Variants in DCHS2 observed in about 807,000 individuals in gnomAD.
DCHS2 encodes protocadherin-23.
A neutral mutation model predicts 182.4 loss-of-function variants in DCHS2; 142 were observed. That is an observed-to-expected ratio of 0.78 (90% CI 0.68 to 0.89). The LOEUF (loss-of-function observed/expected upper bound fraction) is 0.89, where lower values mean the gene tolerates loss of function less well. Ranked by LOEUF, DCHS2 falls within the 40% of genes least tolerant of loss-of-function variation. The pLI, the probability that DCHS2 is intolerant of heterozygous loss-of-function variation, is 0.00. For missense variants in DCHS2, 4,319 were observed against 4,198.6 expected (o/e 1.03, Z -0.79); for synonymous variants, 1,740 against 1,663.3 (o/e 1.05, Z -1.12).
At chr4:154,384,310 C>A in intron 1 of DCHS2, 1 of 1,577,470 alleles carries the variant, frequency 6.3e-7, no homozygotes, top group Non-Finnish European at 8.6e-7. Context: ...ATTGAAACAT[C>A]CTTCATCAGA....
intron 1 of DCHS2, among the ~76,000 whole-genome samples, chr4:154,433,384 T>TG (rs1733639723): frequency 7.4e-6 from 1 of 135,868 alleles, no homozygotes; most frequent in South Asian, 2.3e-4. Flanking sequence ...ATAACTAGTT[T>TG]TTTTTTTTTC....
chr4:154,249,384 T>C (rs775101870), intron 16 of DCHS2, among the ~76,000 whole-genome samples: 5 of 151,998 alleles, frequency 3.3e-5, no homozygotes, highest in Non-Finnish European at 7.4e-5. Flanking sequence ...CATAATGAGA[T>C]ACCAGTCAGA....
intron 14 of DCHS2, among the ~76,000 whole-genome samples, chr4:154,265,371 A>C (rs1733193806): frequency 6.6e-6 from 1 of 152,218 alleles, no homozygotes; most frequent in South Asian, 2.1e-4. Flanking sequence ...TGAGCAAAGG[A>C]ATAAAGTCAT....
rs200348471 is a variant in DCHS2, at chr4:154,321,232, G to A, written c.4177-10C>T. On this transcript the variant is annotated splice_polypyrimidine_tract_variant and intron_variant, in intron 8 of 19. Coordinates refer to ENST00000357232, the MANE Select transcript of DCHS2 (RefSeq NM_001358235.2). ...TGGATAGTGGGATCACCTGAAATACGAATAAAAGAGATATTAATTTGGGGT... is the reference window on the plus strand; with the variant it reads ...TGGATAGTGGGATCACCTGAAATACAAATAAAAGAGATATTAATTTGGGGT... 5.5e-5 allele frequency: 80 copies of A among 1,464,186 alleles called. 1 individual carries two copies. The African/African-American group carries it at 5.6e-4, about 10-fold the overall frequency. 90.7% of individuals were successfully genotyped at this position (1,464,186 alleles called of 1,614,324 possible). A position where few individuals can be genotyped will look rare whatever the true frequency, so the allele number is the denominator to read the frequency against.
At chr4:154,267,548 G>C (rs967967765) in intron 14 of DCHS2, among the ~76,000 whole-genome samples, 2 of 152,046 alleles carry the variant, frequency 1.3e-5, no homozygotes, top group African/African-American at 4.8e-5. Flanking sequence ...TTTTGTTTCA[G>C]AGAGCATGTG....
chr4:154,340,775 A>G (rs1189305127), intron 3 of DCHS2, among the ~76,000 whole-genome samples: 2 of 152,246 alleles, frequency 1.3e-5, no homozygotes, highest in Non-Finnish European at 2.9e-5. Context: ...CATCAATTAT[A>G]GAGAGTTATA....
At chr4:154,343,424 G>A in intron 3 of DCHS2, 1 of 1,336,364 alleles carries the variant, frequency 7.5e-7, no homozygotes, top group Non-Finnish European at 9.6e-7. Context: ...TTTCATATAA[G>A]GCTGTTTCAT....
intron 1 of DCHS2, among the ~76,000 whole-genome samples, chr4:154,381,924 TA>T (rs1219822651): frequency 2.6e-5 from 4 of 151,960 alleles, no homozygotes; most frequent in Non-Finnish European, 5.9e-5. Context: ...CACAGAATTA[TA>T]AAAAACCATT....
In DCHS2 at chr4:154,332,911, C is replaced by A. The variant is rs1034804117; in HGVS notation, c.3297G>T (p.Pro1099=). ...CCTGTGTTTGCAGCATTTGTGTCAT[C>A]GGTGAGAGAGACTCACTGACTTCCA... ...YQVEVSESLS[P]MTQMLQTQAH... The change falls in exon 5 of 20, where the codon CCG becomes CCT. Residue 1099 remains proline (P), a synonymous_variant. Coordinates refer to ENST00000357232, the MANE Select transcript of DCHS2 (RefSeq NM_001358235.2). 6.2e-7 allele frequency: 1 copy of A among 1,614,224 alleles called. No individual in the cohort carries two copies. The highest frequency in any genetic ancestry group is 2.2e-5 in the East Asian group (1 of 44,880).
Position 154,401,224 on chromosome 4 carries a change from G to A in DCHS2, c.2053-23780C>T, listed in dbSNP as rs150961197. Among the ~76,000 whole-genome samples the A allele has an allele frequency of 1.3e-3, 199 of 152,160 alleles. 1 individual carries two copies. The highest frequency in any genetic ancestry group is 3.6e-3 in the African/African-American group (151 of 41,504). ...TTGAGATTCATCCCTATTGTTTCAT[G>A]TTTTAGTAGTATTCTATTAACTCTA... On this transcript the variant is annotated intron_variant, in intron 1 of 19. Transcript: ENST00000357232.
chr4:154,289,798 G>T (rs1485493897), intron 13 of DCHS2, among the ~76,000 whole-genome samples: 1 of 151,924 alleles, frequency 6.6e-6, no homozygotes, highest in Non-Finnish European at 1.5e-5. Flanking sequence ...TAAACCAATG[G>T]ATGTGATACA....
At chr4:154,350,088 A>T (rs17031486) in intron 3 of DCHS2, among the ~76,000 whole-genome samples, 5,109 of 152,302 alleles carry the variant, frequency 0.034, 285 homozygotes, top group African/African-American at 0.12. Context: ...CTGCTTCTTC[A>T]TTGGAAACAT....
At chr4:154,413,812 T>C (rs1732722398) in intron 1 of DCHS2, among the ~76,000 whole-genome samples, 2 of 152,226 alleles carry the variant, frequency 1.3e-5, no homozygotes. Context: ...CTTCTGTTAC[T>C]AACCCCAAAG....
rs369709329 is a variant in DCHS2, at chr4:154,231,985, T to C, written c.*2551A>G. 1.4e-4 allele frequency: 21 copies of C among 152,138 alleles called. No homozygotes were observed. The East Asian group carries it at 1.5e-3, about 11-fold the overall frequency. The allele number at this position is 152,138 out of a possible 1,614,324, so 9.4% of individuals were successfully genotyped here. A position where few individuals can be genotyped will look rare whatever the true frequency, so the allele number is the denominator to read the frequency against. On this transcript the variant is annotated 3_prime_UTR_variant, in exon 20 of 20. Coordinates refer to ENST00000357232, the MANE Select transcript of DCHS2 (RefSeq NM_001358235.2). ...TCCATTTGGTACTGATTTACACCAG[T>C]ATTTTTAAGGCTGCCAACAAGAAAG...
At chr4:154,486,458 T>C in intron 1 of DCHS2, 1 of 1,304,784 alleles carries the variant, frequency 7.7e-7, no homozygotes, top group South Asian at 1.2e-5. Flanking sequence ...CAAGATTTTG[T>C]TTTTCCTGTA....
chr4:154,427,799 G>A (rs1451652719), intron 1 of DCHS2, among the ~76,000 whole-genome samples: 1 of 152,070 alleles, frequency 6.6e-6, no homozygotes, highest in Non-Finnish European at 1.5e-5. Flanking sequence ...AGAGACCTGG[G>A]GAAAAGCCCA....
intron 15 of DCHS2, among the ~76,000 whole-genome samples, chr4:154,257,203 A>G (rs140457703): frequency 0.045 from 6,782 of 152,118 alleles, 466 homozygotes; most frequent in African/African-American, 0.15. Flanking sequence ...AGCCGAGATC[A>G]CGCCCCCACA....
intron 3 of DCHS2, among the ~76,000 whole-genome samples, chr4:154,351,525 C>G (rs947662519): frequency 6.6e-6 from 1 of 152,060 alleles, no homozygotes; most frequent in Non-Finnish European, 1.5e-5. Flanking sequence ...TGAATAGATG[C>G]CTTCTTATTT....
Position 154,336,332 on chromosome 4 carries a change from A to C in DCHS2, c.2477-1228T>G, listed in dbSNP as rs950755521. On this transcript the variant is annotated intron_variant, in intron 3 of 19. Transcript: ENST00000357232. Reference sequence around the variant, plus strand: ...TTAGTGTACTAGTTTAAAAACCTGAAAACGGATCTAATGCAATCAACTTAA... The same window carrying C: ...TTAGTGTACTAGTTTAAAAACCTGACAACGGATCTAATGCAATCAACTTAA... Among the ~76,000 whole-genome samples, 112 of 152,350 alleles carry C rather than the reference A, an allele frequency of 7.4e-4. 5 individuals are homozygous for C. Among genetic ancestry groups the C allele is most frequent in the Admixed American group, 7.3e-3 (111 of 15,302 alleles).
Sources: gnomAD v4.1 joint callset for allele counts (sites outside exome capture counted in the v4.1 genomes callset) on GRCh38, gnomAD v4.1.1 for gene constraint, MANE v1.5 for transcripts, NCBI Gene and HGNC (gene_info 2026-07-23, HGNC 2026-07-21) for gene names.